ABCB11: variants seen among roughly 807,000 people sequenced by gnomAD.
ABCB11 encodes bile salt export pump.
Under a neutral mutation model 148.0 loss-of-function variants are expected in ABCB11, and 95 were observed. That is an observed-to-expected ratio of 0.64 (90% CI 0.54 to 0.76). The LOEUF is 0.76. Ranked by LOEUF, ABCB11 falls within the 30% of genes least tolerant of loss-of-function variation. The pLI is 0.00. For synonymous variants in ABCB11, 591 were observed against 555.4 expected, an observed-to-expected ratio of 1.06 and a Z score of -0.90; for missense variants, 1,523 against 1,617.8, an observed-to-expected ratio of 0.94 and a Z score of 1.01.
Position 168,932,436 on chromosome 2 carries a change from A to G in ABCB11, c.3154T>C (p.Phe1052Leu). 6.2e-7 allele frequency: 1 copy of G among 1,606,822 alleles called. No individual in the cohort carries two copies. The highest frequency in any genetic ancestry group is 8.5e-7 in the Non-Finnish European group (1 of 1,176,424). The stretch of plus-strand genomic sequence containing the variant: ...GGGGGTTGTCGGTCCAGCAGTTGAA[A>G]AAAGCGTGCAGCTGATATTTTAGCT... ...AKAKISAARF[F>L]QLLDRQPPIS... is the part of the protein sequence containing the mutation. Residue 1052 changes from phenylalanine (F) to leucine (L), a missense_variant, in exon 24 of 28, where the codon TTT becomes CTT. By Grantham distance (22) the Phe-to-Leu change is conservative. Transcript: ENST00000650372.
At chr2:168,946,798 C>T (rs1013325554) in intron 19 of ABCB11, among the ~76,000 whole-genome samples, 3 of 151,504 alleles carry the variant, frequency 2.0e-5, no homozygotes, top group Admixed American at 2.0e-4. Flanking sequence ...TAAGAAAATG[C>T]CTGTTTTTTG....
chr2:168,962,161 T>TC (rs1385294511), intron 18 of ABCB11, among the ~76,000 whole-genome samples: 3 of 151,712 alleles, frequency 2.0e-5, no homozygotes, highest in African/African-American at 7.3e-5. Context: ...TGAGACCTTT[T>TC]CCCCTTGGAG....
At chr2:169,022,227 T>C (rs1052923771) in intron 1 of ABCB11, among the ~76,000 whole-genome samples, 1 of 151,786 alleles carries the variant, frequency 6.6e-6, no homozygotes, top group African/African-American at 2.4e-5. Context: ...ACCTAAAAAA[T>C]GCAAGATTTA....
chr2:169,027,900 A>G (rs572449161), intron 1 of ABCB11, among the ~76,000 whole-genome samples: 63 of 152,222 alleles, frequency 4.1e-4, no homozygotes, highest in African/African-American at 1.5e-3. Flanking sequence ...ATTGTAGAAG[A>G]ATTGAAGAAA....
rs780324076 is a variant in ABCB11 at position 168,970,219 on chromosome 2, G to C, written c.1639-4C>G. The C allele has an allele frequency of 3.1e-6, 5 of 1,610,068 alleles. No individual in the cohort carries two copies. The highest frequency in any genetic ancestry group is 4.2e-6 in the Non-Finnish European group (5 of 1,177,770). ...CTCCAACAAGGGTGTCAAATTGCTAGATGGAAGGTGACACCAGTCATGAAG... is the reference window on the plus strand; with the variant it reads ...CTCCAACAAGGGTGTCAAATTGCTACATGGAAGGTGACACCAGTCATGAAG... On this transcript the variant is annotated splice_region_variant and splice_polypyrimidine_tract_variant and intron_variant, in intron 14 of 27. Transcript: ENST00000650372.
In ABCB11 at chr2:168,922,612, C is replaced by T. The variant is rs1451876094; in HGVS notation, c.*1010G>A. Among the ~76,000 whole-genome samples, 1 of 152,158 alleles carries T rather than the reference C, an allele frequency of 6.6e-6. No homozygotes were observed. Among genetic ancestry groups the T allele is most frequent in the African/African-American group, 2.4e-5 (1 of 41,420 alleles). ...ATCTTGTAACTCTATTATCAATTGT[C>T]CATTTGCTTTCTGGCTCCCAAGATT... On this transcript the variant is annotated 3_prime_UTR_variant, in exon 28 of 28. Transcript: ENST00000650372.
chr2:168,993,939 G>T, intron 7 of ABCB11, 57 bp from the exon 8 acceptor site: 1 of 1,398,974 alleles, frequency 7.1e-7, no homozygotes, highest in Non-Finnish European at 9.9e-7. Flanking sequence ...CAAATATCTT[G>T]CTGAAAGTCT....
At chr2:168,929,375 C>T (rs1243791822) in intron 25 of ABCB11, among the ~76,000 whole-genome samples, 4 of 151,782 alleles carry the variant, frequency 2.6e-5, no homozygotes, top group Non-Finnish European at 4.4e-5. Context: ...TGGAAGAACA[C>T]AAAGGTTTTC....
Position 169,018,100 on chromosome 2 carries a change from C to T in ABCB11, c.26G>A (p.Ser9Asn). 2 of 1,613,660 alleles carry T rather than the reference C, an allele frequency of 1.2e-6. No homozygotes were observed. Among genetic ancestry groups the T allele is most frequent in the Admixed American group, 1.7e-5 (1 of 59,968 alleles). ...ATTCTCCTCTCCAAATTTCTTTATA[C>T]TTCGAAGAATTACTGAGTCAGACAT... is the stretch of plus-strand genomic sequence containing the variant. MSDSVILR[S>N]IKKFGEENDG... is the part of the protein sequence containing the mutation. Residue 9 changes from serine (S) to asparagine (N), a missense_variant, in exon 2 of 28, where the codon AGT becomes AAT. Physicochemically the swap from Ser to Asn is conservative, Grantham distance 46. Transcript: ENST00000650372.
chr2:168,937,647 C>T (rs1038522031), intron 21 of ABCB11, among the ~76,000 whole-genome samples: 1 of 152,150 alleles, frequency 6.6e-6, no homozygotes, highest in Non-Finnish European at 1.5e-5. Flanking sequence ...AGATATCCAG[C>T]CATTGGGCTT....
In ABCB11 at chr2:168,973,598, G is replaced by T. The variant is rs1693689362; in HGVS notation, c.1434+117C>A. On this transcript the variant is annotated intron_variant, in intron 13 of 27. Coordinates refer to ENST00000650372, the MANE Select transcript of ABCB11 (RefSeq NM_003742.4). ...CATCAATTCAGTAACAAATCATTAA[G>T]TTAACTATGCATGCCAGGACAGTCT... 2.3e-6 allele frequency: 3 copies of T among 1,282,494 alleles called. No homozygotes were observed. The African/African-American group carries it at 4.5e-5, about 19-fold the overall frequency. 79.4% of individuals were successfully genotyped at this position (1,282,494 alleles called of 1,614,324 possible). A position where few individuals can be genotyped will look rare whatever the true frequency, so the allele number is the denominator to read the frequency against.
At chr2:169,009,198 T>C (rs1695106384) in intron 5 of ABCB11, among the ~76,000 whole-genome samples, 1 of 152,120 alleles carries the variant, frequency 6.6e-6, no homozygotes, top group Admixed American at 6.5e-5. Context: ...ATTCTAGAAA[T>C]ACCATTTGAC....
intron 17 of ABCB11, among the ~76,000 whole-genome samples, chr2:168,966,348 C>A (rs1036785706): frequency 1.3e-5 from 2 of 151,776 alleles, no homozygotes; most frequent in African/African-American, 4.8e-5. Context: ...TGTCCTTGGC[C>A]CCTTGGATAT....
intron 5 of ABCB11, among the ~76,000 whole-genome samples, chr2:169,008,735 G>C (rs545822118): frequency 6.6e-6 from 1 of 152,268 alleles, no homozygotes; most frequent in East Asian, 1.9e-4. Context: ...TAGTCTGGCA[G>C]TTCCTAGAAT....
chr2:168,968,472 A>C lies in ABCB11; in HGVS notation c.2030T>G (p.Met677Arg). ...CCCTCTGCTAAAGGTCCTCGCAAGCATGTCATCTTCAGTTGCATCTACTCA... is the reference window on the plus strand; with the variant it reads ...CCCTCTGCTAAAGGTCCTCGCAAGCCTGTCATCTTCAGTTGCATCTACTCA... The part of the protein sequence containing the change: ...EDIKDATEDD[M>R]LARTFSRGSY... Residue 677 changes from methionine to arginine, a missense_variant, in exon 17 of 28, where the codon ATG becomes AGG. By Grantham distance (91) the Met-to-Arg change is moderately conservative. Coordinates refer to ENST00000650372, the MANE Select transcript of ABCB11 (RefSeq NM_003742.4). 6.2e-7 allele frequency: 1 copy of C among 1,611,178 alleles called. No individual in the cohort carries two copies. Among genetic ancestry groups the C allele is most frequent in the Non-Finnish European group, 8.5e-7 (1 of 1,178,414 alleles).
intron 1 of ABCB11, among the ~76,000 whole-genome samples, chr2:169,029,976 A>G (rs796306660): frequency 4.0e-5 from 6 of 150,554 alleles, no homozygotes; most frequent in African/African-American, 9.8e-5. Flanking sequence ...TCTTGACCTC[A>G]TGATCCACCC....
In ABCB11 at chr2:168,923,419, A is replaced by T; in HGVS notation, c.*203T>A. ...CTAGTTTCTTTCATTTTCTGTATACACATCTAAAGCAGAATTATTATGGAA... is the reference window on the plus strand; with the variant it reads ...CTAGTTTCTTTCATTTTCTGTATACTCATCTAAAGCAGAATTATTATGGAA... On this transcript the variant is annotated 3_prime_UTR_variant, in exon 28 of 28. Coordinates refer to ENST00000650372, the MANE Select transcript of ABCB11 (RefSeq NM_003742.4). 1 of 615,600 alleles carries T rather than the reference A, an allele frequency of 1.6e-6. No homozygotes were observed. Among genetic ancestry groups the T allele is most frequent in the Non-Finnish European group, 2.8e-6 (1 of 351,050 alleles). The allele number at this position is 615,600 out of a possible 1,614,324, so 38.1% of individuals were successfully genotyped here. A position where few individuals can be genotyped will look rare whatever the true frequency, so the allele number is the denominator to read the frequency against.
intron 14 of ABCB11, among the ~76,000 whole-genome samples, chr2:168,971,384 G>T (rs577621771): frequency 9.2e-5 from 14 of 152,130 alleles, no homozygotes; most frequent in Middle Eastern, 3.4e-3. Flanking sequence ...TGTAGTTGTT[G>T]TTGCTTAGAA....
At chr2:168,930,012 A>G (rs924543868) in intron 25 of ABCB11, among the ~76,000 whole-genome samples, 1 of 152,224 alleles carries the variant, frequency 6.6e-6, no homozygotes, top group African/African-American at 2.4e-5. Context: ...GAGTGTAAGC[A>G]TAAAGCAGGG....
Sources: allele counts gnomAD v4.1 joint callset (sites outside exome capture counted in the v4.1 genomes callset), GRCh38; gene constraint gnomAD v4.1.1; transcripts MANE v1.5; gene names NCBI Gene and HGNC (gene_info 2026-07-23, HGNC 2026-07-21).